The following RPS6KA2 variants were observed in gnomAD, a reference collection of about 807,000 sequenced individuals.
The protein encoded by RPS6KA2 is ribosomal protein S6 kinase alpha-2.
In RPS6KA2, 42 loss-of-function variants were observed where a neutral mutation model predicts 91.8. The ratio of observed to expected loss-of-function variants is 0.46; its 90% CI spans 0.36 to 0.59. RPS6KA2 has a LOEUF of 0.59. Ranked by LOEUF, RPS6KA2 falls within the 20% of genes least tolerant of loss-of-function variation. RPS6KA2 has a pLI of 0.00. For missense variants in RPS6KA2, 798 were observed against 978.5 expected (o/e 0.82, Z 2.46); for synonymous variants, 414 against 393.6 (o/e 1.05, Z -0.61).
chr6:166,795,291 C>A (rs997928200), intron 2 of RPS6KA2, among the ~76,000 whole-genome samples: 2 of 152,088 alleles, frequency 1.3e-5, no homozygotes, highest in African/African-American at 4.8e-5. Context: ...TTTCATTTTG[C>A]TGTTCTATTA....
At chr6:166,532,609 G>A (rs1783321555) in intron 2 of RPS6KA2, among the ~76,000 whole-genome samples, 1 of 152,104 alleles carries the variant, frequency 6.6e-6, no homozygotes, top group Non-Finnish European at 1.5e-5. Flanking sequence ...CCCAGGTGGG[G>A]ACTCTTCTAG....
intron 8 of RPS6KA2, among the ~76,000 whole-genome samples, chr6:166,491,178 G>A (rs1481007274): frequency 6.6e-6 from 1 of 152,196 alleles, no homozygotes; most frequent in Non-Finnish European, 1.5e-5. Context: ...TGCCTGGATG[G>A]TGGGGGCTAG....
intron 2 of RPS6KA2, among the ~76,000 whole-genome samples, chr6:166,741,473 A>AT (rs1182913952): frequency 6.6e-6 from 1 of 152,236 alleles, no homozygotes; most frequent in Admixed American, 6.5e-5. Context: ...TTCCTGCCAC[A>AT]TCGAAAAACG....
At chr6:166,735,580 C>G (rs1037314819) in intron 2 of RPS6KA2, among the ~76,000 whole-genome samples, 7 of 152,132 alleles carry the variant, frequency 4.6e-5, no homozygotes, top group African/African-American at 1.7e-4. Context: ...ACTAAACGGT[C>G]TCATGTGGGG....
At chr6:166,734,530 T>A (rs1231189523) in intron 2 of RPS6KA2, among the ~76,000 whole-genome samples, 1 of 152,164 alleles carries the variant, frequency 6.6e-6, no homozygotes, top group East Asian at 1.9e-4. Flanking sequence ...GGTGAAGTAA[T>A]TAGGAGGTTC....
In RPS6KA2 at chr6:166,498,585, C is replaced by A; in HGVS notation, c.670G>T (p.Glu224Ter). The A allele has an allele frequency of 6.2e-7, 1 of 1,613,890 alleles. No homozygotes were observed. Among genetic ancestry groups the A allele is most frequent in the Non-Finnish European group, 8.5e-7 (1 of 1,179,976 alleles). The change falls in exon 8 of 21, where the codon GAG becomes TAG. Residue 224 changes from glutamate to a stop codon, truncating the protein, a stop_gained. Coordinates refer to ENST00000265678, the MANE Select transcript of RPS6KA2 (RefSeq NM_021135.6). LOFTEE classifies it high-confidence loss of function. ...TTCACCACCTCGGGCGCCATGTACT[C>A]GATCGTCCCGCAGAAGGAGTACGCT... ...KRAYSFCGTI[E>*]YMAPEVVNRR... is the part of the protein sequence containing the mutation.
intron 2 of RPS6KA2, among the ~76,000 whole-genome samples, chr6:166,711,886 C>G (rs1476067754): frequency 1.3e-5 from 2 of 150,904 alleles, no homozygotes; most frequent in African/African-American, 4.9e-5. Context: ...AAAACAAGAC[C>G]AATAAAATTG....
chr6:166,580,418 A>C (rs1342738360), intron 1 of RPS6KA2, among the ~76,000 whole-genome samples: 4 of 152,222 alleles, frequency 2.6e-5, no homozygotes, highest in Non-Finnish European at 4.4e-5. Flanking sequence ...ACCCTGGAAG[A>C]AGCAGCATTG....
intron 1 of RPS6KA2, among the ~76,000 whole-genome samples, chr6:166,598,246 T>G (rs1583313861): frequency 6.6e-6 from 1 of 152,366 alleles, no homozygotes; most frequent in East Asian, 1.9e-4. Flanking sequence ...TTTCCTTTGA[T>G]GCTTTCCCTC....
intron 2 of RPS6KA2, among the ~76,000 whole-genome samples, chr6:166,680,424 C>A (rs1053203708): frequency 6.6e-6 from 1 of 152,208 alleles, no homozygotes; most frequent in Non-Finnish European, 1.5e-5. Context: ...CCGCCCCAGC[C>A]AGGAGACCTA....
intron 2 of RPS6KA2, among the ~76,000 whole-genome samples, chr6:166,681,849 C>T (rs918105315): frequency 1.3e-5 from 2 of 152,028 alleles, no homozygotes; most frequent in Non-Finnish European, 1.5e-5. Context: ...CTTTTCCTGT[C>T]CTCTGCTGGG....
At chr6:166,644,783 G>C (rs1306446194) in intron 2 of RPS6KA2, among the ~76,000 whole-genome samples, 5 of 152,184 alleles carry the variant, frequency 3.3e-5, no homozygotes, top group African/African-American at 7.2e-5. Flanking sequence ...CTTGGAAATA[G>C]GGTCTTTGCA....
chr6:166,640,346 A>G (rs1002357153), intron 2 of RPS6KA2, among the ~76,000 whole-genome samples: 1 of 152,270 alleles, frequency 6.6e-6, no homozygotes. Context: ...AAACACCTAT[A>G]GTATTTCAGG....
chr6:166,748,613 T>TCCTCA (rs1562416301), intron 2 of RPS6KA2, among the ~76,000 whole-genome samples: 1 of 18,662 alleles, frequency 5.4e-5, no homozygotes, highest in African/African-American at 2.5e-4. Flanking sequence ...CCCATTTCCC[T>TCCTCA]GGGCCCCCAC....
At chr6:166,631,825 G>A (rs1378115564), upstream of RPS6KA2, among the ~76,000 whole-genome samples, 1 of 152,196 alleles carries the variant, frequency 6.6e-6, no homozygotes, top group African/African-American at 2.4e-5. Context: ...GCGGAGCAGA[G>A]ACAGACCAGA....
At position 166,490,150 on chromosome 6, in the gene RPS6KA2, C is replaced by A. The variant is rs1270700944; in HGVS notation, c.818+521G>T. 3.3e-5 allele frequency among the ~76,000 whole-genome samples: 5 copies of A among 152,114 alleles called. No homozygotes were observed. The highest frequency in any genetic ancestry group is 1.2e-4 in the African/African-American group (5 of 41,430). ...GAATTAAGCAGAAAATGGTTTGTAT[C>A]CAGTCACATGGTAAAACGATACCGA... is the stretch of plus-strand genomic sequence containing the variant. On this transcript the variant is annotated intron_variant, in intron 9 of 20. Coordinates refer to ENST00000265678, the MANE Select transcript of RPS6KA2 (RefSeq NM_021135.6). The surrounding 1 kb of genome is among the most constrained non-coding windows in gnomAD (Gnocchi z 4.2).
chr6:166,471,737 G>A (rs1780776151), intron 10 of RPS6KA2, among the ~76,000 whole-genome samples: 1 of 152,226 alleles, frequency 6.6e-6, no homozygotes, highest in Non-Finnish European at 1.5e-5. Context: ...TCAGACCAGA[G>A]GTTATGAGTT....
Position 166,743,986 on chromosome 6 carries a change from C to T in RPS6KA2, c.123+114214G>A, listed in dbSNP as rs187070905. 5.9e-5 allele frequency among the ~76,000 whole-genome samples: 9 copies of T among 152,292 alleles called. No homozygotes were observed. In the East Asian group the frequency reaches 1.5e-3, roughly 26 times the overall value. On this transcript the variant is annotated intron_variant, in intron 2 of 21. Coordinates refer to the RPS6KA2 transcript ENST00000503859. ...TTTTAATCCAGCTTCTGGCACTTTC[C>T]GAAGATCTGTCTTTCCTGTCAACCA...
chr6:166,801,282 A>G (rs1329556346), intron 2 of RPS6KA2, among the ~76,000 whole-genome samples: 2 of 152,350 alleles, frequency 1.3e-5, no homozygotes, highest in South Asian at 2.1e-4. Context: ...CAGCTAAGTA[A>G]AAGCGGAGGA....
Sources: gnomAD v4.1 joint callset for allele counts (sites outside exome capture counted in the v4.1 genomes callset) on GRCh38, gnomAD v4.1.1 for gene constraint, Gnocchi (gnomAD v3.1) non-coding constraint, MANE v1.5 for transcripts, NCBI Gene and HGNC (gene_info 2026-07-23, HGNC 2026-07-21) for gene names.